Variants in ADAD1 observed in about 807,000 individuals in gnomAD.
ADAD1 encodes the protein adenosine deaminase domain-containing protein 1.
Under a neutral mutation model 66.8 loss-of-function variants are expected in ADAD1, and 46 were observed. That is an observed-to-expected ratio of 0.69 (90% CI 0.54 to 0.88). The LOEUF (loss-of-function observed/expected upper bound fraction) is 0.88, where lower values mean the gene tolerates loss of function less well. Among genes scored for constraint, ADAD1 ranks in the 40% least tolerant of loss-of-function variants. The pLI is 0.00. For missense variants in ADAD1, 617 were observed against 681.8 expected (o/e 0.91, Z 1.06); for synonymous variants, 248 against 229.4 (o/e 1.08, Z -0.73).
In ADAD1 at chr4:122,429,657, G is replaced by A. The variant is rs752883123; in HGVS notation, c.1649G>A (p.Cys550Tyr). 2 of 1,613,158 alleles carry A rather than the reference G, an allele frequency of 1.2e-6. No individual in the cohort carries two copies. The highest frequency in any genetic ancestry group is 2.2e-5 in the South Asian group (2 of 90,998). The change falls in exon 13 of 13, where the codon TGT becomes TAT. Residue 550 changes from cysteine (C) to tyrosine (Y), a missense_variant. Cys to Tyr is a radical substitution (Grantham distance 194). Transcript: ENST00000296513. ...CMSASYQEAK[C>Y]KLKSYLQQHG... Reference sequence around the variant, plus strand: ...TCTGCCTCCTATCAAGAAGCTAAATGTAAGTTGAAATCCTACTTACAACAA... The same window carrying A: ...TCTGCCTCCTATCAAGAAGCTAAATATAAGTTGAAATCCTACTTACAACAA...
At chr4:122,381,538 G>C (rs953243887) in intron 4 of ADAD1, among the ~76,000 whole-genome samples, 3 of 152,190 alleles carry the variant, frequency 2.0e-5, no homozygotes, top group African/African-American at 7.2e-5. Flanking sequence ...CTGTGAGGAT[G>C]ATGACTAAGA....
At chr4:122,405,490 G>A (rs1243306635) in intron 7 of ADAD1, among the ~76,000 whole-genome samples, 1 of 152,136 alleles carries the variant, frequency 6.6e-6, no homozygotes, top group Admixed American at 6.6e-5. Context: ...GCACAATCCA[G>A]TGGATTTTGT....
chr4:122,388,022 G>A (rs1795258849), intron 5 of ADAD1, among the ~76,000 whole-genome samples: 1 of 152,156 alleles, frequency 6.6e-6, no homozygotes, highest in Non-Finnish European at 1.5e-5. Context: ...GCCTACCAGA[G>A]TGCTGGGATT....
At chr4:122,393,762 T>C in intron 6 of ADAD1, 105 bp downstream of exon 6, 1 of 809,254 alleles carries the variant, frequency 1.2e-6, no homozygotes, top group East Asian at 2.9e-5. Flanking sequence ...CATTAACACT[T>C]TATCATCCAA....
chr4:122,384,500 T>G (rs774466474), intron 5 of ADAD1, among the ~76,000 whole-genome samples: 5 of 152,172 alleles, frequency 3.3e-5, no homozygotes, highest in Non-Finnish European at 7.4e-5. Context: ...CAGTGATAGT[T>G]ATACCTTCTG....
At chr4:122,393,099 A>G (rs986910114) in intron 5 of ADAD1, among the ~76,000 whole-genome samples, 1 of 143,422 alleles carries the variant, frequency 7.0e-6, no homozygotes, top group Non-Finnish European at 1.5e-5. Context: ...TGTACTCCCT[A>G]ACTTTGGAGA....
In ADAD1 at chr4:122,429,688, C is replaced by T. The variant is rs139490640; in HGVS notation, c.1680C>T (p.Gly560=). 1.6e-4 allele frequency: 255 copies of T among 1,613,314 alleles called. No homozygotes were observed. The highest frequency in any genetic ancestry group is 1.9e-4 in the Non-Finnish European group (230 of 1,179,642). Residue 560 remains glycine (G), a synonymous_variant, in exon 13 of 13, where the codon GGC becomes GGT. Coordinates refer to ENST00000296513, the MANE Select transcript of ADAD1 (RefSeq NM_139243.4). ...TGAAATCCTACTTACAACAACATGG[C>T]TATGGATCCTGGATTGTGAAATCTC... ...CKLKSYLQQH[G]YGSWIVKSPC...
intron 7 of ADAD1, 111 bp from the exon 8 acceptor site, chr4:122,407,797 T>G: frequency 1.7e-6 from 2 of 1,194,058 alleles, no homozygotes; most frequent in Non-Finnish European, 1.1e-6. Context: ...TTTTTTCATC[T>G]TTTCAGTTAA....
In ADAD1 at chr4:122,412,678, C is replaced by G; in HGVS notation, c.1118C>G (p.Pro373Arg). ...AAAATTTATCTGACTGTTTACTGTC[C>G]TAAAGATGGTGTTAATAGAATAAGC... ...EGKIYLTVYC[P>R]KDGVNRISSM... The change falls in exon 10 of 13, where the codon CCT (proline) becomes CGT (arginine). Residue 373 changes from proline to arginine, a missense_variant. By Grantham distance (103) the Pro-to-Arg change is moderately radical. Coordinates refer to ENST00000296513, the MANE Select transcript of ADAD1 (RefSeq NM_139243.4). The G allele has an allele frequency of 2.5e-6, 4 of 1,613,792 alleles. No individual in the cohort carries two copies. Among genetic ancestry groups the G allele is most frequent in the Non-Finnish European group, 2.5e-6 (3 of 1,179,810 alleles).
At chr4:122,401,993 T>C (rs1219176213) in intron 7 of ADAD1, among the ~76,000 whole-genome samples, 1 of 152,078 alleles carries the variant, frequency 6.6e-6, no homozygotes, top group Non-Finnish European at 1.5e-5. Flanking sequence ...ACATACAACA[T>C]TAGTCTTGAG....
intron 3 of ADAD1, 112 bp from the exon 4 acceptor site, chr4:122,380,880 T>C (rs1027215492): frequency 3.5e-5 from 33 of 949,632 alleles, no homozygotes; most frequent in Non-Finnish European, 4.6e-5. Context: ...AAGAAAAACA[T>C]ATGATGAAGT....
intron 4 of ADAD1, among the ~76,000 whole-genome samples, chr4:122,381,905 C>T (rs1162320372): frequency 6.6e-6 from 1 of 152,130 alleles, no homozygotes; most frequent in East Asian, 1.9e-4. Flanking sequence ...CTTTAATTTT[C>T]CTGGTGCTAA....
At chr4:122,417,337 TAAAAAAA>T (rs78147212) in intron 11 of ADAD1, among the ~76,000 whole-genome samples, 2 of 94,060 alleles carry the variant, frequency 2.1e-5, no homozygotes, top group Non-Finnish European at 4.6e-5. Context: ...CCTCCATCTT[TAAAAAAA>T]AAAAAAAAAA....
chr4:122,403,255 T>C (rs1297106474), intron 7 of ADAD1, among the ~76,000 whole-genome samples: 4 of 152,110 alleles, frequency 2.6e-5, no homozygotes, highest in African/African-American at 9.7e-5. Flanking sequence ...GTGATTATTA[T>C]TGCCCTTCTG....
Position 122,415,516 on chromosome 4 carries a change from C to T in ADAD1, c.1387C>T (p.Leu463Phe). The change falls in exon 11 of 13, where the codon CTT becomes TTT. Residue 463 changes from leucine (L) to phenylalanine (F), a missense_variant. Physicochemically the swap from Leu to Phe is conservative, Grantham distance 22. Transcript: ENST00000296513. Reference sequence around the variant, plus strand: ...TAGTTTAGTACCCTCTGCATATCCCCTTCAAATGAACTTGGAATATAAATT... The same window carrying T: ...TAGTTTAGTACCCTCTGCATATCCCTTTCAAATGAACTTGGAATATAAATT... ...HISLVPSAYP[L>F]QMNLEYKFLS... 1 of 1,613,932 alleles carries T rather than the reference C, an allele frequency of 6.2e-7. No individual in the cohort carries two copies. The highest frequency in any genetic ancestry group is 1.1e-5 in the South Asian group (1 of 91,070).
At chr4:122,396,198 C>T (rs1317371725) in intron 6 of ADAD1, 54 bp from the exon 7 acceptor site, 9 of 1,395,526 alleles carry the variant, frequency 6.4e-6, no homozygotes, top group Non-Finnish European at 7.5e-6. Flanking sequence ...AATAATAAGA[C>T]AGCTCTAGGA....
Position 122,380,975 on chromosome 4 carries a change from A to T in ADAD1, c.173-17A>T, listed in dbSNP as rs759139661. ...TTTGTTTTAAACCAAATTGACAAGT[A>T]TAACATTTGTTTTTAGGTAATTTTC... On this transcript the variant is annotated splice_polypyrimidine_tract_variant and intron_variant, in intron 3 of 12. Transcript: ENST00000296513. The T allele has an allele frequency of 6.3e-7, 1 of 1,575,350 alleles. No individual in the cohort carries two copies. The highest frequency in any genetic ancestry group is 8.6e-7 in the Non-Finnish European group (1 of 1,169,528).
intron 7 of ADAD1, among the ~76,000 whole-genome samples, chr4:122,397,672 G>A (rs1229276966): frequency 6.6e-6 from 1 of 152,030 alleles, no homozygotes; most frequent in Non-Finnish European, 1.5e-5. Flanking sequence ...GGACATAAAT[G>A]GGAAGGGAAA....
chr4:122,386,661 G>C (rs1795189368), intron 5 of ADAD1, among the ~76,000 whole-genome samples: 2 of 152,100 alleles, frequency 1.3e-5, no homozygotes, highest in African/African-American at 4.8e-5. Flanking sequence ...GGGATTTTAT[G>C]GTTTTGGATT....
Sources: allele counts gnomAD v4.1 joint callset (sites outside exome capture counted in the v4.1 genomes callset), GRCh38; gene constraint gnomAD v4.1.1; transcripts MANE v1.5; gene names NCBI Gene and HGNC (gene_info 2026-07-23, HGNC 2026-07-21).